Variants in STXBP6 observed in about 807,000 individuals in gnomAD.
STXBP6 encodes syntaxin binding protein 6, also known as syntaxin-binding protein 6.
Under a neutral mutation model 26.9 loss-of-function variants are expected in STXBP6, and 21 were observed. The ratio of observed to expected loss-of-function variants is 0.78; its 90% confidence interval spans 0.55 to 1.12. The LOEUF (loss-of-function observed/expected upper bound fraction) is 1.12. Ranked by LOEUF, STXBP6 falls within the 50% of genes most tolerant of loss-of-function variation. The pLI, the probability that STXBP6 is intolerant of heterozygous loss-of-function variation, is 0.00. For missense variants in STXBP6, 232 were observed against 257.9 expected, an observed-to-expected ratio of 0.90 and a Z score of 0.69; for synonymous variants, 97 against 92.6, an observed-to-expected ratio of 1.05 and a Z score of -0.27.
chr14:25,001,192 C>T (rs1265424145), intron 1 of STXBP6, among the ~76,000 whole-genome samples: 1 of 152,122 alleles, frequency 6.6e-6, no homozygotes, highest in Non-Finnish European at 1.5e-5. Flanking sequence ...TCCTTCTCAA[C>T]AAGGACTTAC....
Position 25,049,564 on chromosome 14 carries a change from A to C in STXBP6, c.-33+314T>G. On this transcript the variant is annotated intron_variant, in intron 1 of 5. Coordinates refer to ENST00000323944, the MANE Select transcript of STXBP6 (RefSeq NM_001394410.1). The surrounding 1 kb of genome is among the most constrained non-coding windows in gnomAD (Gnocchi z 5.6). ...TGCGGAAAAAAAGGCTCCATCCTCA[A>C]CTTTCTCGGAGGAAATCGCTCCGTT... 1 of 984,916 alleles carries C rather than the reference A, an allele frequency of 1.0e-6. No individual in the cohort carries two copies. Among genetic ancestry groups the C allele is most frequent in the Non-Finnish European group, 1.2e-6 (1 of 829,872 alleles). 61.0% of individuals were successfully genotyped at this position (984,916 alleles called of 1,614,324 possible).
At chr14:25,024,013 T>C (rs1209837113) in intron 1 of STXBP6, among the ~76,000 whole-genome samples, 1 of 152,224 alleles carries the variant, frequency 6.6e-6, no homozygotes, top group East Asian at 1.9e-4. Flanking sequence ...AACAATGTAC[T>C]ATAAAACACA....
chr14:24,990,816 G>C (rs1457198342), intron 1 of STXBP6, among the ~76,000 whole-genome samples: 1 of 151,966 alleles, frequency 6.6e-6, no homozygotes, highest in African/African-American at 2.4e-5. Context: ...AAAGAAAACT[G>C]GTCTGTAGGT....
Position 24,810,580 on chromosome 14 carries a change from CAG to C in STXBP6, c.*2127_*2128del, listed in dbSNP as rs1364875996. On this transcript the variant is annotated 3_prime_UTR_variant, in exon 6 of 6. Transcript: ENST00000323944. Reference sequence around the variant, plus strand: ...TGAAACTTAGGTCTAAAAGGATAAGCAGAGAGTGAGGAAAGAGGGCAAGACAT... The same window carrying C: ...TGAAACTTAGGTCTAAAAGGATAAGCAGAGTGAGGAAAGAGGGCAAGACAT... 6.6e-6 allele frequency: 1 copy of C among 152,134 alleles called. No individual in the cohort carries two copies. Among genetic ancestry groups the C allele is most frequent in the Non-Finnish European group, 1.5e-5 (1 of 68,032 alleles). 9.4% of individuals were successfully genotyped at this position (152,134 alleles called of 1,614,324 possible).
chr14:24,951,775 AACAG>A (rs1277994435), intron 2 of STXBP6, among the ~76,000 whole-genome samples: 2 of 152,074 alleles, frequency 1.3e-5, no homozygotes, highest in African/African-American at 4.8e-5. Flanking sequence ...AAACTGTTCA[AACAG>A]ACAGTAAGTT....
intron 2 of STXBP6, among the ~76,000 whole-genome samples, chr14:24,946,282 T>C (rs1211970356): frequency 6.6e-6 from 1 of 152,116 alleles, no homozygotes; most frequent in Non-Finnish European, 1.5e-5. Context: ...GTACTAGAAA[T>C]AGCCCCTAAC....
At chr14:25,021,648 A>C (rs2075265260) in intron 1 of STXBP6, among the ~76,000 whole-genome samples, 1 of 152,056 alleles carries the variant, frequency 6.6e-6, no homozygotes, top group Admixed American at 6.6e-5. Context: ...TCTCCCTGAA[A>C]ACTCCTTACC....
chr14:24,822,365 C>T (rs1261412140), intron 4 of STXBP6, among the ~76,000 whole-genome samples: 1 of 152,188 alleles, frequency 6.6e-6, no homozygotes, highest in Non-Finnish European at 1.5e-5. Flanking sequence ...TACACACAAT[C>T]TTTACCACAT....
intron 2 of STXBP6, among the ~76,000 whole-genome samples, chr14:24,943,791 T>G (rs2072885991): frequency 6.6e-6 from 1 of 152,186 alleles, no homozygotes; most frequent in Non-Finnish European, 1.5e-5. Flanking sequence ...TTTAAATAAA[T>G]CACTAAAAAT....
intron 1 of STXBP6, 100 bp from the exon 2 acceptor site, chr14:24,974,950 A>C (rs2140204459): frequency 1.4e-6 from 1 of 719,790 alleles, no homozygotes; most frequent in Non-Finnish European, 2.1e-6. Flanking sequence ...AGTAATTTTC[A>C]ATTTACAGTT....
At chr14:25,015,170 G>A (rs2075120197) in intron 1 of STXBP6, among the ~76,000 whole-genome samples, 3 of 152,118 alleles carry the variant, frequency 2.0e-5, no homozygotes, top group Admixed American at 6.5e-5. Context: ...CATTGGGGAA[G>A]GGAAAGATAA....
chr14:24,997,684 C>T (rs908296805), intron 1 of STXBP6, among the ~76,000 whole-genome samples: 1 of 152,098 alleles, frequency 6.6e-6, no homozygotes, highest in South Asian at 2.1e-4. Context: ...CAAAAATGCA[C>T]AAAGTAGAAA....
chr14:24,821,460 G>A (rs541558752), intron 4 of STXBP6, among the ~76,000 whole-genome samples: 33 of 152,286 alleles, frequency 2.2e-4, no homozygotes, highest in Admixed American at 9.2e-4. Context: ...TTTAACAGGA[G>A]ACATTATAAC....
intron 2 of STXBP6, among the ~76,000 whole-genome samples, chr14:24,969,149 T>C (rs2073827171): frequency 6.6e-6 from 1 of 152,220 alleles, no homozygotes. Flanking sequence ...CAGAACTTTT[T>C]CCTAAAGAAA....
At position 24,955,171 on chromosome 14, in the gene STXBP6, A is replaced by G. The variant is rs116717675; in HGVS notation, c.154+19494T>C. ...TTGGTCTATAGAAATTATGTTGAACATGGCAGGAGGAGAGAGTAACATCCT... is the reference window on the plus strand; with the variant it reads ...TTGGTCTATAGAAATTATGTTGAACGTGGCAGGAGGAGAGAGTAACATCCT... On this transcript the variant is annotated intron_variant, in intron 2 of 5. Transcript: ENST00000323944. Among the ~76,000 whole-genome samples, 1,185 of 152,264 alleles carry G rather than the reference A, an allele frequency of 7.8e-3. 15 individuals carry two copies. Among genetic ancestry groups the G allele is most frequent in the African/African-American group, 0.026 (1,100 of 41,556 alleles).
At chr14:24,868,120 G>T (rs999313478) in intron 2 of STXBP6, among the ~76,000 whole-genome samples, 1 of 152,016 alleles carries the variant, frequency 6.6e-6, no homozygotes, top group Non-Finnish European at 1.5e-5. Context: ...GATTGCCTGA[G>T]CCGGGGAGGC....
chr14:25,019,573 T>C (rs2075222721), intron 1 of STXBP6, among the ~76,000 whole-genome samples: 1 of 152,256 alleles, frequency 6.6e-6, no homozygotes, highest in Admixed American at 6.5e-5. Flanking sequence ...GCAAAACTGC[T>C]GTAAGCTATA....
intron 2 of STXBP6, chr14:24,878,700 A>C (rs890754207): frequency 2.7e-6 from 1 of 373,972 alleles, no homozygotes; most frequent in Non-Finnish European, 5.5e-6. Context: ...TCTTAAACTG[A>C]ATTTCTTAGC....
At chr14:24,962,443 C>T (rs768631449) in intron 2 of STXBP6, among the ~76,000 whole-genome samples, 6 of 151,836 alleles carry the variant, frequency 4.0e-5, no homozygotes, top group Admixed American at 2.0e-4. Flanking sequence ...AATTCTCCTG[C>T]CTCTGCCTCC....
Sources: allele counts gnomAD v4.1 joint callset (sites outside exome capture counted in the v4.1 genomes callset), GRCh38; gene constraint gnomAD v4.1.1; non-coding constraint Gnocchi (gnomAD v3.1); transcripts MANE v1.5; gene names NCBI Gene and HGNC (gene_info 2026-07-23, HGNC 2026-07-21).